Variants in DAB1 observed in about 807,000 individuals in gnomAD.
DAB1 encodes disabled homolog 1.
A neutral mutation model predicts 64.6 loss-of-function variants in DAB1; 15 were observed. The ratio of observed to expected loss-of-function variants is 0.23; its 90% CI spans 0.16 to 0.36. The LOEUF is 0.36. DAB1 is among the 10% of genes least tolerant of loss of function. The probability of loss-of-function intolerance (pLI) is 1.00; values close to 1 mark genes in which losing one functional copy is unlikely to be tolerated. For synonymous variants in DAB1, 235 were observed against 251.9 expected, an observed-to-expected ratio of 0.93 and a Z score of 0.64; for missense variants, 596 against 706.7, an observed-to-expected ratio of 0.84 and a Z score of 1.78.
intron 11 of DAB1, among the ~76,000 whole-genome samples, chr1:57,017,768 A>G (rs1470865490): frequency 6.6e-6 from 1 of 152,222 alleles, no homozygotes; most frequent in African/African-American, 2.4e-5. Flanking sequence ...TGAAATTTCA[A>G]ACGTGAAGCT....
At chr1:57,001,378 G>T (rs1306957334) in intron 14 of DAB1, among the ~76,000 whole-genome samples, 1 of 152,044 alleles carries the variant, frequency 6.6e-6, no homozygotes, top group Non-Finnish European at 1.5e-5. Context: ...TCACCCACAG[G>T]GTAGGTCAAA....
intron 6 of DAB1, among the ~76,000 whole-genome samples, chr1:57,651,994 T>C (rs528402282): frequency 6.6e-6 from 1 of 152,282 alleles, no homozygotes; most frequent in African/African-American, 2.4e-5. Context: ...ATTTAATTTA[T>C]AGTTTAAATG....
At chr1:57,463,610 G>T (rs183904926) in intron 7 of DAB1, among the ~76,000 whole-genome samples, 245 of 152,040 alleles carry the variant, frequency 1.6e-3, no homozygotes, top group African/African-American at 5.7e-3. Flanking sequence ...CCCTTGCACA[G>T]TTTCTTCGTG....
At chr1:57,139,736 G>A (rs1334085958) in intron 3 of DAB1, among the ~76,000 whole-genome samples, 1 of 152,076 alleles carries the variant, frequency 6.6e-6, no homozygotes, top group Non-Finnish European at 1.5e-5. Context: ...GCATATAGTA[G>A]TGCTGATTAG....
At chr1:57,481,307 C>T (rs1644016224) in intron 7 of DAB1, among the ~76,000 whole-genome samples, 1 of 152,168 alleles carries the variant, frequency 6.6e-6, no homozygotes, top group Non-Finnish European at 1.5e-5. Flanking sequence ...TTTCCGTTTT[C>T]TACTAGGCCT....
intron 3 of DAB1, among the ~76,000 whole-genome samples, chr1:58,384,829 G>T (rs909543853): frequency 2.0e-5 from 3 of 152,198 alleles, no homozygotes; most frequent in African/African-American, 4.8e-5. Flanking sequence ...AAAGATGAAG[G>T]CTGGAAGACT....
chr1:57,639,497 C>T (rs765026303), intron 7 of DAB1, among the ~76,000 whole-genome samples: 12 of 151,982 alleles, frequency 7.9e-5, no homozygotes, highest in Non-Finnish European at 1.3e-4. Context: ...GCAGAGGAGT[C>T]GCCTTTTCAT....
chr1:57,952,043 T>C (rs1288109749), intron 5 of DAB1, among the ~76,000 whole-genome samples: 1 of 152,180 alleles, frequency 6.6e-6, no homozygotes, highest in Non-Finnish European at 1.5e-5. Context: ...TTTCTTCCTT[T>C]TACTAATGCA....
intron 7 of DAB1, among the ~76,000 whole-genome samples, chr1:57,571,263 G>T (rs901642045): frequency 6.6e-6 from 1 of 152,050 alleles, no homozygotes; most frequent in Non-Finnish European, 1.5e-5. Context: ...GGTGAAAGTG[G>T]GCATCCTTGT....
chr1:57,837,584 C>G (rs955503082), intron 1 of DAB1, among the ~76,000 whole-genome samples: 1 of 152,118 alleles, frequency 6.6e-6, no homozygotes, highest in African/African-American at 2.4e-5. Context: ...CTTCTGCCCT[C>G]CCCTCCCATA....
intron 7 of DAB1, among the ~76,000 whole-genome samples, chr1:57,518,989 C>T (rs4912254): frequency 0.53 from 79,921 of 151,950 alleles, 23,334 homozygotes; most frequent in East Asian, 0.72. Context: ...CTCTTAGTAT[C>T]GTCCTCCCCC....
At chr1:57,719,631 T>TTACTC (rs1387220769) in intron 6 of DAB1, among the ~76,000 whole-genome samples, 1 of 152,222 alleles carries the variant, frequency 6.6e-6, no homozygotes, top group Non-Finnish European at 1.5e-5. Flanking sequence ...CCTTCTTTGC[T>TTACTC]TACTCTCCTG....
chr1:57,520,272 A>C (rs1644509669), intron 7 of DAB1, among the ~76,000 whole-genome samples: 1 of 152,196 alleles, frequency 6.6e-6, no homozygotes, highest in African/African-American at 2.4e-5. Context: ...TTTATTTTTA[A>C]AGAAAAAAGA....
intron 5 of DAB1, among the ~76,000 whole-genome samples, chr1:57,984,244 G>C (rs950214344): frequency 1.4e-5 from 2 of 142,152 alleles, no homozygotes; most frequent in South Asian, 2.3e-4. Context: ...AAGAAAGAAA[G>C]AAAGAAAGAA....
At chr1:57,491,315 C>G (rs947722049) in intron 7 of DAB1, among the ~76,000 whole-genome samples, 1 of 150,844 alleles carries the variant, frequency 6.6e-6, no homozygotes, top group African/African-American at 2.4e-5. Context: ...GTAGTCCCAG[C>G]GACTCGGGAG....
upstream of DAB1, among the ~76,000 whole-genome samples, chr1:57,428,258 C>T (rs1244254291): frequency 6.6e-6 from 1 of 152,136 alleles, no homozygotes; most frequent in Non-Finnish European, 1.5e-5. Flanking sequence ...ATTAGATCTC[C>T]AGAACTTATT....
intron 5 of DAB1, among the ~76,000 whole-genome samples, chr1:57,951,418 A>T (rs759140778): frequency 2.7e-5 from 4 of 148,750 alleles, no homozygotes; most frequent in Admixed American, 6.9e-5. Flanking sequence ...TGCCAGTTTG[A>T]CCAATGTAGA....
intron 6 of DAB1, among the ~76,000 whole-genome samples, chr1:57,729,831 C>T (rs1477159958): frequency 6.6e-6 from 1 of 152,150 alleles, no homozygotes; most frequent in Non-Finnish European, 1.5e-5. Flanking sequence ...GAGGCTAAGG[C>T]CAGAGGATCG....
chr1:57,790,671 T>C (rs902183796), intron 6 of DAB1, among the ~76,000 whole-genome samples: 1 of 152,136 alleles, frequency 6.6e-6, no homozygotes, highest in African/African-American at 2.4e-5. Flanking sequence ...GAGGTGTATA[T>C]TGGATGAACT....
Sources: allele counts gnomAD v4.1 joint callset (sites outside exome capture counted in the v4.1 genomes callset), GRCh38; gene constraint gnomAD v4.1.1; transcripts MANE v1.5; gene names NCBI Gene and HGNC (gene_info 2026-07-23, HGNC 2026-07-21).